CACNA1E: variants seen among roughly 807,000 people sequenced by gnomAD.
CACNA1E encodes the protein voltage-dependent R-type calcium channel subunit alpha-1E.
Under a neutral mutation model 259.2 loss-of-function variants are expected in CACNA1E, and 40 were observed. The observed-to-expected ratio is 0.15, with a 90% CI of 0.12 to 0.20. The LOEUF (loss-of-function observed/expected upper bound fraction) is 0.20. Among genes scored for constraint, CACNA1E ranks in the 10% least tolerant of loss-of-function variants. CACNA1E has a pLI of 1.00. For synonymous variants in CACNA1E, 1,104 were observed against 1,138.5 expected, an observed-to-expected ratio of 0.97 and a Z score of 0.61; for missense variants, 1,874 against 3,040.1, an observed-to-expected ratio of 0.62 and a Z score of 9.02.
intron 1 of CACNA1E, among the ~76,000 whole-genome samples, chr1:181,500,220 C>T (rs969334661): frequency 1.3e-5 from 2 of 152,166 alleles, no homozygotes; most frequent in Admixed American, 6.5e-5. Flanking sequence ...ACCCCTTATG[C>T]ATATGAAGGT....
At chr1:181,538,097 T>G (rs537979232) in intron 3 of CACNA1E, among the ~76,000 whole-genome samples, 67 of 152,340 alleles carry the variant, frequency 4.4e-4, no homozygotes, top group African/African-American at 1.6e-3. Flanking sequence ...AGTGTTTTTA[T>G]GTAATATAAA....
chr1:181,360,518 G>C (rs1167946693), intron 1 of CACNA1E, among the ~76,000 whole-genome samples: 1 of 152,142 alleles, frequency 6.6e-6, no homozygotes, highest in East Asian at 1.9e-4. Context: ...GCATGATCCT[G>C]TTTGTTTGGA....
chr1:181,373,681 G>A (rs1198054507), intron 1 of CACNA1E, among the ~76,000 whole-genome samples: 2 of 151,870 alleles, frequency 1.3e-5, no homozygotes, highest in Non-Finnish European at 2.9e-5. Context: ...GGGACTACAG[G>A]CGCCTGCCAC....
intron 15 of CACNA1E, 65 bp from the exon 16 acceptor site, chr1:181,721,693 T>A: frequency 2.0e-6 from 2 of 989,002 alleles, no homozygotes; most frequent in Non-Finnish European, 3.2e-6. Context: ...AATTTGCCCT[T>A]GGCATTGGCC....
chr1:181,425,726 CCTT>C (rs1659132950), intron 2 of CACNA1E, among the ~76,000 whole-genome samples: 2 of 152,214 alleles, frequency 1.3e-5, no homozygotes, highest in Admixed American at 6.5e-5. Flanking sequence ...ACACTGTCCT[CCTT>C]CTCTTCTCTT....
chr1:181,580,783 A>G lies in CACNA1E; in HGVS notation c.951+7A>G. 2 of 1,613,532 alleles carry G rather than the reference A, an allele frequency of 1.2e-6. No individual in the cohort carries two copies. The highest frequency in any genetic ancestry group is 1.7e-6 in the Non-Finnish European group (2 of 1,179,478). ...GACCACTGTGCTGTACAATGTGAGT[A>G]GAGCTGGTGGGGACCTGGAAGGAGG... On this transcript the variant is annotated splice_region_variant and intron_variant, in intron 6 of 47. Coordinates refer to ENST00000367573, the MANE Select transcript of CACNA1E (RefSeq NM_001205293.3).
chr1:181,663,954 T>G (rs543881672), intron 7 of CACNA1E, among the ~76,000 whole-genome samples: 1 of 152,222 alleles, frequency 6.6e-6, no homozygotes, highest in African/African-American at 2.4e-5. Flanking sequence ...TCTAAAGGAT[T>G]GTTAAAGCTG....
In CACNA1E at chr1:181,745,192, C is replaced by G. The variant is rs554320566; in HGVS notation, c.3720-5284C>G. 1.6e-4 allele frequency among the ~76,000 whole-genome samples: 25 copies of G among 152,268 alleles called. No homozygotes were observed. In the South Asian group the frequency reaches 5.2e-3, roughly 32 times the overall value. ...TCTACCTACTCTTGGCATTAAGTCT[C>G]AGCATGCATATTTTTTAGTGAACGC... On this transcript the variant is annotated intron_variant, in intron 25 of 47. Coordinates refer to ENST00000367573, the MANE Select transcript of CACNA1E (RefSeq NM_001205293.3).
intron 19 of CACNA1E, 87 bp downstream of exon 19, chr1:181,731,318 C>A: frequency 9.7e-7 from 1 of 1,031,972 alleles, no homozygotes; most frequent in Non-Finnish European, 1.5e-6. Context: ...GACAAAGTGG[C>A]ACTGGGTGTG....
chr1:181,390,236 A>C (rs1161918511), intron 1 of CACNA1E, among the ~76,000 whole-genome samples: 1 of 152,196 alleles, frequency 6.6e-6, no homozygotes, highest in Non-Finnish European at 1.5e-5. Flanking sequence ...CACTGTTGCT[A>C]ACCTGACCGC....
chr1:181,760,750 G>A (rs1237623353), intron 32 of CACNA1E, among the ~76,000 whole-genome samples: 2 of 152,190 alleles, frequency 1.3e-5, no homozygotes, highest in East Asian at 3.8e-4. Context: ...GGTAGGGCCA[G>A]GATTCAGACC....
intron 3 of CACNA1E, among the ~76,000 whole-genome samples, chr1:181,565,615 T>G (rs1024466345): frequency 1.3e-5 from 2 of 152,158 alleles, no homozygotes; most frequent in African/African-American, 4.8e-5. Flanking sequence ...AGCACTGAAA[T>G]TTTTGGAAAG....
At chr1:181,696,879 C>G (rs1325718242) in intron 7 of CACNA1E, among the ~76,000 whole-genome samples, 1 of 152,166 alleles carries the variant, frequency 6.6e-6, no homozygotes, top group Non-Finnish European at 1.5e-5. Flanking sequence ...CTAGTGACAA[C>G]TAGTGTTTTT....
intron 6 of CACNA1E, among the ~76,000 whole-genome samples, chr1:181,598,815 C>G (rs1038540616): frequency 6.6e-6 from 1 of 152,146 alleles, no homozygotes; most frequent in African/African-American, 2.4e-5. Context: ...CCCTGGACTG[C>G]TCTTCTGTCT....
At chr1:181,654,516 A>T (rs2102081534) in intron 7 of CACNA1E, among the ~76,000 whole-genome samples, 1 of 152,286 alleles carries the variant, frequency 6.6e-6, no homozygotes, top group African/African-American at 2.4e-5. Context: ...AGATGCAAGG[A>T]TGTTCTTTCC....
At chr1:181,598,565 A>G (rs996795853) in intron 6 of CACNA1E, among the ~76,000 whole-genome samples, 1 of 152,068 alleles carries the variant, frequency 6.6e-6, no homozygotes, top group African/African-American at 2.4e-5. Context: ...TGGGGAAGAG[A>G]TTGGGGGTGA....
At chr1:181,726,228 A>G in intron 18 of CACNA1E, 66 bp downstream of exon 18, 1 of 1,142,848 alleles carries the variant, frequency 8.8e-7, no homozygotes, top group East Asian at 2.5e-5. Context: ...ATCAACTCAC[A>G]GAACTATTGG....
intron 6 of CACNA1E, among the ~76,000 whole-genome samples, chr1:181,634,586 C>T (rs776668919): frequency 6.6e-6 from 1 of 152,186 alleles, no homozygotes; most frequent in African/African-American, 2.4e-5. Context: ...ACATGTAGAG[C>T]ATTGTGCAGT....
intron 1 of CACNA1E, among the ~76,000 whole-genome samples, chr1:181,402,141 A>G (rs1482520107): frequency 2.0e-5 from 3 of 152,236 alleles, no homozygotes; most frequent in Non-Finnish European, 4.4e-5. Context: ...ACCAGATGAG[A>G]TATTTCTTAT....
Sources: allele counts gnomAD v4.1 joint callset (sites outside exome capture counted in the v4.1 genomes callset), GRCh38; gene constraint gnomAD v4.1.1; transcripts MANE v1.5; gene names NCBI Gene and HGNC (gene_info 2026-07-23, HGNC 2026-07-21).